Variants in TXNRD1 observed in about 807,000 individuals in gnomAD.
The protein encoded by TXNRD1 is thioredoxin reductase 1.
TXNRD1 carries 57 observed loss-of-function variants against 80.3 expected under a neutral mutation model. The observed-to-expected ratio is 0.71, with a 90% CI of 0.57 to 0.89. The LOEUF (loss-of-function observed/expected upper bound fraction) is 0.89, where lower values mean the gene tolerates loss of function less well. Ranked by LOEUF, TXNRD1 falls within the 40% of genes least tolerant of loss-of-function variation. The pLI is 0.00. For synonymous variants in TXNRD1, 291 were observed against 285.2 expected (o/e 1.02, Z -0.20); for missense variants, 730 against 803.0 (o/e 0.91, Z 1.10).
At chr12:104,298,177 C>G (rs2034497315) in intron 4 of TXNRD1, among the ~76,000 whole-genome samples, 1 of 152,152 alleles carries the variant, frequency 6.6e-6, no homozygotes, top group Admixed American at 6.5e-5. Context: ...ACTTAAGAAT[C>G]TGCTGAAATC....
At chr12:104,264,813 G>T (rs993739427) in intron 3 of TXNRD1, among the ~76,000 whole-genome samples, 4 of 152,116 alleles carry the variant, frequency 2.6e-5, no homozygotes, top group African/African-American at 4.8e-5. Context: ...GCTGTATTTA[G>T]AATTATTTTC....
At chr12:104,301,390 T>C (rs922015440) in intron 4 of TXNRD1, among the ~76,000 whole-genome samples, 1 of 152,084 alleles carries the variant, frequency 6.6e-6, no homozygotes, top group Non-Finnish European at 1.5e-5. Flanking sequence ...CAGGCTGGAG[T>C]GCAGTGGCGC....
In TXNRD1 at chr12:104,339,160, G is replaced by T. The variant is rs776384523; in HGVS notation, c.1768G>T (p.Val590Leu). 7 of 1,613,884 alleles carry T rather than the reference G, an allele frequency of 4.3e-6. No individual in the cohort carries two copies. In the Admixed American group the frequency reaches 1.2e-4, roughly 27 times the overall value. The change falls in exon 16 of 17, where the codon GTA becomes TTA. Residue 590 changes from valine (V) to leucine (L), a missense_variant. Transcript: ENST00000525566. ...KDNERVVGFH[V>L]LGPNAGEVTQ... ...TTAGGAACGTGTTGTGGGCTTTCAC[G>T]TACTGGGTCCAAATGCTGGAGAAGT...
chr12:104,298,434 AT>A (rs1593778983), intron 4 of TXNRD1, among the ~76,000 whole-genome samples: 4 of 152,060 alleles, frequency 2.6e-5, no homozygotes, highest in Admixed American at 2.0e-4. Flanking sequence ...CTTTAAAAAT[AT>A]TTTTCTGGGG....
At chr12:104,220,205 T>C (rs924515851) in intron 1 of TXNRD1, among the ~76,000 whole-genome samples, 1 of 152,138 alleles carries the variant, frequency 6.6e-6, no homozygotes, top group African/African-American at 2.4e-5. Context: ...ATTGAAAGCT[T>C]TGGAATGGAA....
intron 3 of TXNRD1, chr12:104,265,966 AAAG>A (rs905170656): frequency 1.6e-6 from 1 of 619,506 alleles, no homozygotes; most frequent in Non-Finnish European, 2.7e-6. Flanking sequence ...AAAAAAAAAA[AAAG>A]AAAAGAAATA....
chr12:104,327,692 C>T (rs2035810985), intron 13 of TXNRD1, 21 bp downstream of exon 13: 2 of 1,611,214 alleles, frequency 1.2e-6, no homozygotes, highest in South Asian at 2.2e-5. Context: ...TGCTTGTTGC[C>T]CATTAGATAC....
intron 1 of TXNRD1, among the ~76,000 whole-genome samples, chr12:104,243,767 C>T (rs540152260): frequency 3.0e-4 from 46 of 152,334 alleles, no homozygotes; most frequent in Non-Finnish European, 2.8e-4. Context: ...TTTATCATCA[C>T]ACTTGAAGTG....
At chr12:104,267,699 T>TTCTTTCTTTCTTTCTC (rs1555209251) in intron 3 of TXNRD1, among the ~76,000 whole-genome samples, 2,705 of 45,968 alleles carry the variant, frequency 0.059, 52 homozygotes, top group Middle Eastern at 0.086. Context: ...CTTTCTTTCT[T>TTCTTTCTTTCTTTCTC]TCTCTCTTTC....
At chr12:104,283,139 G>A (rs1180952143) in intron 3 of TXNRD1, among the ~76,000 whole-genome samples, 2 of 152,218 alleles carry the variant, frequency 1.3e-5, no homozygotes, top group Non-Finnish European at 2.9e-5. Context: ...GGAAATAAAA[G>A]ATGAGAATCC....
intron 2 of TXNRD1, among the ~76,000 whole-genome samples, chr12:104,256,523 G>A (rs2033252127): frequency 6.6e-6 from 1 of 152,280 alleles, no homozygotes; most frequent in South Asian, 2.1e-4. Flanking sequence ...GCTCATGCCT[G>A]TAATCCCAGC....
intron 2 of TXNRD1, among the ~76,000 whole-genome samples, chr12:104,256,585 C>A (rs559048285): frequency 6.6e-6 from 1 of 152,000 alleles, no homozygotes; most frequent in South Asian, 2.1e-4. Flanking sequence ...TAGAGACCAT[C>A]CTGGCCAACA....
intron 1 of TXNRD1, among the ~76,000 whole-genome samples, chr12:104,245,076 A>G (rs894865369): frequency 6.6e-6 from 1 of 152,234 alleles, no homozygotes; most frequent in African/African-American, 2.4e-5. Context: ...ATTTGGGACT[A>G]TCCCCATTTA....
intron 1 of TXNRD1, among the ~76,000 whole-genome samples, chr12:104,224,569 A>G (rs1322591974): frequency 6.6e-6 from 1 of 151,844 alleles, no homozygotes; most frequent in Non-Finnish European, 1.5e-5. Context: ...TTTTTTTAGT[A>G]AAGACGGGGT....
At chr12:104,235,070 A>C (rs1182436759) in intron 1 of TXNRD1, among the ~76,000 whole-genome samples, 2 of 152,186 alleles carry the variant, frequency 1.3e-5, no homozygotes, top group African/African-American at 2.4e-5. Context: ...TCGCAAAGAA[A>C]ATGAGCACTC....
intron 1 of TXNRD1, chr12:104,224,890 C>A (rs1396171705): frequency 6.6e-6 from 3 of 456,552 alleles, no homozygotes; most frequent in African/African-American, 6.0e-5. Flanking sequence ...ACAAATGGGA[C>A]ATCTCAGGCA....
At chr12:104,305,514 TGAG>T (rs1348118273) in intron 4 of TXNRD1, among the ~76,000 whole-genome samples, 2 of 152,194 alleles carry the variant, frequency 1.3e-5, no homozygotes, top group Non-Finnish European at 2.9e-5. Flanking sequence ...CTGTAGTAGT[TGAG>T]GTATCAGCTA....
intron 4 of TXNRD1, among the ~76,000 whole-genome samples, chr12:104,295,967 C>T (rs1164816713): frequency 9.9e-5 from 15 of 152,128 alleles, no homozygotes; most frequent in Admixed American, 9.8e-4. Context: ...GTTGTTAATA[C>T]TTAGTGATTA....
At chr12:104,275,825 T>A (rs1318132964) in intron 3 of TXNRD1, among the ~76,000 whole-genome samples, 1 of 152,240 alleles carries the variant, frequency 6.6e-6, no homozygotes, top group Non-Finnish European at 1.5e-5. Context: ...ACATAATGAT[T>A]ATAATAACTA....
Sources: allele counts gnomAD v4.1 joint callset (sites outside exome capture counted in the v4.1 genomes callset), GRCh38; gene constraint gnomAD v4.1.1; transcripts MANE v1.5; gene names NCBI Gene and HGNC (gene_info 2026-07-23, HGNC 2026-07-21).